Variants in OPCML observed in about 807,000 individuals in gnomAD.
OPCML encodes the protein opioid binding protein/cell adhesion molecule like.
A neutral mutation model predicts 37.8 loss-of-function variants in OPCML; 13 were observed. The ratio of observed to expected loss-of-function variants is 0.34; its 90% CI spans 0.22 to 0.55. OPCML has a LOEUF of 0.55. OPCML is among the 20% of genes least tolerant of loss of function. The pLI is 0.91. For missense variants in OPCML, 341 were observed against 435.6 expected (o/e 0.78, Z 1.93); for synonymous variants, 176 against 168.8 (o/e 1.04, Z -0.33).
chr11:133,193,495 C>T (rs927760269), intron 1 of OPCML, among the ~76,000 whole-genome samples: 32 of 152,130 alleles, frequency 2.1e-4, no homozygotes, highest in Admixed American at 1.9e-3. Flanking sequence ...TTATTCCATT[C>T]GAAATGCCAC....
chr11:133,155,334 A>T (rs1457717645), intron 1 of OPCML, among the ~76,000 whole-genome samples: 2 of 152,054 alleles, frequency 1.3e-5, no homozygotes, highest in Non-Finnish European at 2.9e-5. Context: ...CTTCTACTGT[A>T]ATATTGAATC....
chr11:132,794,100 T>A (rs1938135555), intron 2 of OPCML, among the ~76,000 whole-genome samples: 1 of 152,232 alleles, frequency 6.6e-6, no homozygotes, highest in South Asian at 2.1e-4. Context: ...ACCTCCACCG[T>A]GTTGTTTCCA....
At chr11:133,020,640 AAG>A (rs1337217743) in intron 1 of OPCML, among the ~76,000 whole-genome samples, 9 of 152,152 alleles carry the variant, frequency 5.9e-5, no homozygotes, top group Admixed American at 1.3e-4. Context: ...AAAGTGAGTA[AAG>A]AGGGGGGATT....
In OPCML at chr11:133,084,842, A is replaced by G. The variant is rs545153246; in HGVS notation, c.62-141832T>C. On this transcript the variant is annotated intron_variant, in intron 1 of 7. Coordinates refer to ENST00000524381, the MANE Select transcript of OPCML (RefSeq NM_001012393.5). ...GAACTCAAACTCAAATTCAAGCATG[A>G]GTGAGCATCTACCATACAATATAGA... is the stretch of plus-strand genomic sequence containing the variant. Among the ~76,000 whole-genome samples, 9 of 152,342 alleles carry G rather than the reference A, an allele frequency of 5.9e-5. No individual in the cohort carries two copies. The South Asian group carries it at 1.9e-3, about 32-fold the overall frequency.
At chr11:132,595,851 G>C (rs537141126) in intron 3 of OPCML, among the ~76,000 whole-genome samples, 1 of 152,330 alleles carries the variant, frequency 6.6e-6, no homozygotes, top group East Asian at 1.9e-4. Context: ...CTCTGGAAGT[G>C]ACAAGGGTTG....
intron 1 of OPCML, among the ~76,000 whole-genome samples, chr11:133,390,714 G>A (rs1945157603): frequency 6.6e-6 from 1 of 152,088 alleles, no homozygotes; most frequent in Non-Finnish European, 1.5e-5. Context: ...TATGGAGGAA[G>A]TCACTCTAAC....
chr11:133,005,642 C>G, intron 1 of OPCML: 4 of 977,074 alleles, frequency 4.1e-6, no homozygotes, highest in Non-Finnish European at 4.8e-6. Context: ...GCTCAGCCAT[C>G]CAAGAAAAAA....
chr11:133,466,991 T>A (rs1946990501), intron 1 of OPCML, among the ~76,000 whole-genome samples: 1 of 151,964 alleles, frequency 6.6e-6, no homozygotes, highest in Non-Finnish European at 1.5e-5. Flanking sequence ...AAAAGTTAAC[T>A]ACTGTTATTT....
intron 2 of OPCML, among the ~76,000 whole-genome samples, chr11:132,810,559 C>T (rs907582736): frequency 3.3e-5 from 5 of 152,066 alleles, no homozygotes; most frequent in Admixed American, 2.6e-4. Context: ...GGTGTGGTGG[C>T]GAGTGCCTAT....
intron 1 of OPCML, among the ~76,000 whole-genome samples, chr11:133,092,597 G>A (rs1034375634): frequency 2.0e-4 from 30 of 152,086 alleles, no homozygotes; most frequent in African/African-American, 7.0e-4. Flanking sequence ...ATGGTGGCGC[G>A]CACCTGTAGT....
chr11:132,608,280 T>G (rs1319957910), intron 3 of OPCML, among the ~76,000 whole-genome samples: 1 of 152,202 alleles, frequency 6.6e-6, no homozygotes, highest in Non-Finnish European at 1.5e-5. Flanking sequence ...CCCTGTATAC[T>G]TCTAGTCAGC....
At chr11:133,519,193 GTCCCAC>G (rs2120686174) in intron 1 of OPCML, among the ~76,000 whole-genome samples, 1 of 152,238 alleles carries the variant, frequency 6.6e-6, no homozygotes, top group South Asian at 2.1e-4. Context: ...GATATTCCTA[GTCCCAC>G]TTTCTTCCTA....
At chr11:133,152,406 T>A (rs1288249414) in intron 1 of OPCML, among the ~76,000 whole-genome samples, 1 of 152,196 alleles carries the variant, frequency 6.6e-6, no homozygotes. Context: ...GAGTTTCCTT[T>A]AAAGGTTGCT....
At chr11:133,226,353 G>C (rs1390718834) in intron 1 of OPCML, among the ~76,000 whole-genome samples, 2 of 152,212 alleles carry the variant, frequency 1.3e-5, no homozygotes, top group Non-Finnish European at 2.9e-5. Flanking sequence ...GTTTTGGGGG[G>C]TTAGGGGTGT....
chr11:133,441,991 A>AATG (rs1473296296), intron 1 of OPCML, among the ~76,000 whole-genome samples: 4 of 152,176 alleles, frequency 2.6e-5, no homozygotes, highest in Admixed American at 2.0e-4. Context: ...TAATAATAAT[A>AATG]ATACCTAATG....
chr11:133,475,476 A>G (rs1397317722), intron 1 of OPCML, among the ~76,000 whole-genome samples: 1 of 152,104 alleles, frequency 6.6e-6, no homozygotes, highest in Non-Finnish European at 1.5e-5. Context: ...ATGCTCATGG[A>G]CCTTCCAAAC....
In OPCML at chr11:133,149,324, T is replaced by G. The variant is rs1370207392; in HGVS notation, c.62-206314A>C. On this transcript the variant is annotated intron_variant, in intron 1 of 7. Coordinates refer to ENST00000524381, the MANE Select transcript of OPCML (RefSeq NM_001012393.5). ...ATCCTGATTTGTGGATATGAGGAAA[T>G]CTTCCAATTTGACATTGTAGTATAT... 3.3e-5 allele frequency among the ~76,000 whole-genome samples: 5 copies of G among 152,306 alleles called. No individual in the cohort carries two copies. The East Asian group carries it at 9.7e-4, about 29-fold the overall frequency.
intron 1 of OPCML, among the ~76,000 whole-genome samples, chr11:133,487,147 C>G (rs1044955179): frequency 6.6e-6 from 1 of 152,084 alleles, no homozygotes; most frequent in Non-Finnish European, 1.5e-5. Flanking sequence ...TGGTAAATTG[C>G]AAATCAAATC....
intron 4 of OPCML, among the ~76,000 whole-genome samples, chr11:132,454,692 G>C (rs1460873124): frequency 6.6e-6 from 1 of 152,206 alleles, no homozygotes; most frequent in African/African-American, 2.4e-5. Flanking sequence ...CCATTACAGA[G>C]AGGAGAGAAG....
Sources: allele counts gnomAD v4.1 joint callset (sites outside exome capture counted in the v4.1 genomes callset), GRCh38; gene constraint gnomAD v4.1.1; transcripts MANE v1.5; gene names NCBI Gene and HGNC (gene_info 2026-07-23, HGNC 2026-07-21).